Variants in CPA6 observed in about 807,000 individuals in gnomAD.
The protein encoded by CPA6 is carboxypeptidase B.
Under a neutral mutation model 63.3 loss-of-function variants are expected in CPA6, and 58 were observed. The ratio of observed to expected loss-of-function variants is 0.92; its 90% CI spans 0.74 to 1.14. CPA6 has a LOEUF of 1.14. Ranked by LOEUF, CPA6 falls within the 50% of genes most tolerant of loss-of-function variation. The pLI, the probability that CPA6 is intolerant of heterozygous loss-of-function variation, is 0.00. For synonymous variants in CPA6, 185 were observed against 179.0 expected (o/e 1.03, Z -0.27); for missense variants, 565 against 526.6 (o/e 1.07, Z -0.71).
chr8:67,432,505 G>A (rs1249415056), intron 9 of CPA6, among the ~76,000 whole-genome samples: 1 of 152,084 alleles, frequency 6.6e-6, no homozygotes, highest in Non-Finnish European at 1.5e-5. Context: ...TGTCTCCCTG[G>A]CTGCAGGGCA....
At chr8:67,653,977 T>G (rs1815916502) in intron 1 of CPA6, among the ~76,000 whole-genome samples, 1 of 151,822 alleles carries the variant, frequency 6.6e-6, no homozygotes, top group Non-Finnish European at 1.5e-5. Context: ...GTCAAAGGCC[T>G]TTTCTGCATC....
At chr8:67,481,546 A>G (rs1010323315) in intron 8 of CPA6, among the ~76,000 whole-genome samples, 2 of 152,242 alleles carry the variant, frequency 1.3e-5, no homozygotes, top group African/African-American at 2.4e-5. Flanking sequence ...CAGATTCTTC[A>G]TGGTAAAAAG....
At chr8:67,623,607 A>AT (rs1012765059) in intron 2 of CPA6, among the ~76,000 whole-genome samples, 11 of 151,804 alleles carry the variant, frequency 7.2e-5, no homozygotes, top group South Asian at 2.1e-4. Context: ...AAATTTTTAC[A>AT]TTTTTTTGCA....
rs1004547643 is a variant in CPA6 at position 67,733,220 on chromosome 8, A to T, written c.116+12794T>A. On this transcript the variant is annotated intron_variant, in intron 1 of 10. Coordinates refer to ENST00000297770, the MANE Select transcript of CPA6 (RefSeq NM_020361.5). ...TCAAAAAAAAAAAAAAAAAAAAAAA[A>T]AAAATAAAAAAATTTAGCGTCTATC... is the stretch of plus-strand genomic sequence containing the variant. Among the ~76,000 whole-genome samples, 449 of 99,420 alleles carry T rather than the reference A, an allele frequency of 4.5e-3. 15 individuals are homozygous for T. Among genetic ancestry groups the T allele is most frequent in the African/African-American group, 0.02 (430 of 21,500 alleles). The allele number at this position is 99,420 out of a possible 152,430, so 65.2% of individuals were successfully genotyped here. A position where few individuals can be genotyped will look rare whatever the true frequency, so the allele number is the denominator to read the frequency against.
At chr8:67,644,656 T>C (rs1245109225) in intron 1 of CPA6, among the ~76,000 whole-genome samples, 1 of 152,172 alleles carries the variant, frequency 6.6e-6, no homozygotes, top group East Asian at 1.9e-4. Flanking sequence ...TGGGGACTTT[T>C]AGGATTTGGG....
chr8:67,719,158 A>G (rs1187514916), intron 1 of CPA6, among the ~76,000 whole-genome samples: 1 of 152,244 alleles, frequency 6.6e-6, no homozygotes, highest in Non-Finnish European at 1.5e-5. Context: ...TGAAAGGCAT[A>G]TAAAGTAGTT....
At position 67,696,239 on chromosome 8, in the gene CPA6, T is replaced by C. The variant is rs117569465; in HGVS notation, c.116+49775A>G. 2.5e-4 allele frequency among the ~76,000 whole-genome samples: 38 copies of C among 152,292 alleles called. 1 individual carries two copies. The highest frequency in any genetic ancestry group is 4.9e-4 in the Non-Finnish European group (33 of 68,026). On this transcript the variant is annotated intron_variant, in intron 1 of 10. Transcript: ENST00000297770. ...GATGTATGATTTGAATAAACACTCA[T>C]AATGTAGATAATTTGAACAGGGACT...
intron 2 of CPA6, among the ~76,000 whole-genome samples, chr8:67,612,410 T>C (rs768586971): frequency 3.3e-5 from 5 of 152,222 alleles, no homozygotes; most frequent in Non-Finnish European, 5.9e-5. Context: ...AGCCTTGTGA[T>C]GCAACTCCCA....
intron 1 of CPA6, among the ~76,000 whole-genome samples, chr8:67,714,755 C>T (rs1315629490): frequency 6.6e-6 from 1 of 152,178 alleles, no homozygotes; most frequent in Non-Finnish European, 1.5e-5. Context: ...AGCTCACAGA[C>T]TGGGCTTACT....
At chr8:67,518,098 A>G in intron 2 of CPA6, 51 bp from the exon 3 acceptor site, 1 of 1,482,270 alleles carries the variant, frequency 6.7e-7, no homozygotes, top group Non-Finnish European at 9.0e-7. Context: ...GGGGGGGAAA[A>G]TCTGTGTCAC....
At chr8:67,672,711 CA>C (rs1816376089) in intron 1 of CPA6, among the ~76,000 whole-genome samples, 1 of 152,192 alleles carries the variant, frequency 6.6e-6, no homozygotes, top group South Asian at 2.1e-4. Context: ...TTAACCTAGG[CA>C]TCAAACCGGT....
intron 6 of CPA6, among the ~76,000 whole-genome samples, chr8:67,499,827 C>G (rs1437683510): frequency 6.6e-6 from 1 of 152,196 alleles, no homozygotes; most frequent in Non-Finnish European, 1.5e-5. Context: ...TATCAATAAT[C>G]TGTTCCTTTT....
intron 1 of CPA6, among the ~76,000 whole-genome samples, chr8:67,739,295 C>A (rs1463331727): frequency 6.6e-6 from 1 of 152,140 alleles, no homozygotes; most frequent in Non-Finnish European, 1.5e-5. Context: ...GGGAAGAAAG[C>A]TTTGGGTATA....
chr8:67,680,346 T>C (rs925267009), intron 1 of CPA6, among the ~76,000 whole-genome samples: 1 of 151,838 alleles, frequency 6.6e-6, no homozygotes, highest in African/African-American at 2.4e-5. Context: ...TACAAAAAAA[T>C]GAAGAAATTA....
At chr8:67,455,569 G>T (rs1810653306) in intron 8 of CPA6, among the ~76,000 whole-genome samples, 1 of 145,618 alleles carries the variant, frequency 6.9e-6, no homozygotes, top group Non-Finnish European at 1.5e-5. Flanking sequence ...GAAAAAAAAA[G>T]GTTGAAAATT....
intron 8 of CPA6, among the ~76,000 whole-genome samples, chr8:67,471,716 C>CAA (rs1811063637): frequency 6.6e-6 from 1 of 152,082 alleles, no homozygotes; most frequent in Admixed American, 6.5e-5. Context: ...CATCATTTAC[C>CAA]TACATCTGTG....
At chr8:67,459,908 C>G (rs6472308) in intron 8 of CPA6, among the ~76,000 whole-genome samples, 18,825 of 152,030 alleles carry the variant, frequency 0.12, 3,083 homozygotes, top group African/African-American at 0.38. Flanking sequence ...GTTGACAATG[C>G]GGGAGGCTAT....
chr8:67,673,550 AT>A (rs776373374), intron 1 of CPA6, among the ~76,000 whole-genome samples: 24,377 of 138,446 alleles, frequency 0.18, 2,859 homozygotes, highest in African/African-American at 0.34. Flanking sequence ...CTCACGGCTA[AT>A]TTTTTTTTTT....
At chr8:67,669,806 A>G (rs1388125977) in intron 1 of CPA6, among the ~76,000 whole-genome samples, 1 of 149,930 alleles carries the variant, frequency 6.7e-6, no homozygotes, top group Non-Finnish European at 1.5e-5. Context: ...AAAAAAAAAA[A>G]CAACCCCAAA....
Sources: gnomAD v4.1 joint callset for allele counts (sites outside exome capture counted in the v4.1 genomes callset) on GRCh38, gnomAD v4.1.1 for gene constraint, MANE v1.5 for transcripts, NCBI Gene and HGNC (gene_info 2026-07-23, HGNC 2026-07-21) for gene names.